The following KNTC1 variants were observed in gnomAD, a reference collection of about 807,000 sequenced individuals.
KNTC1 encodes kinetochore-associated protein 1.
Under a neutral mutation model 314.4 loss-of-function variants are expected in KNTC1, and 253 were observed. The ratio of observed to expected loss-of-function variants is 0.80; its 90% CI spans 0.73 to 0.89. The LOEUF is 0.89. Ranked by LOEUF, KNTC1 falls within the 40% of genes least tolerant of loss-of-function variation. KNTC1 has a pLI of 0.00. For missense variants in KNTC1, 2,475 were observed against 2,572.9 expected, an observed-to-expected ratio of 0.96 and a Z score of 0.82; for synonymous variants, 901 against 901.4, an observed-to-expected ratio of 1.00 and a Z score of 0.01.
At chr12:122,566,476 C>A (rs1964349454) in intron 20 of KNTC1, among the ~76,000 whole-genome samples, 1 of 151,552 alleles carries the variant, frequency 6.6e-6, no homozygotes, top group Admixed American at 6.6e-5. Context: ...GTGGCATGAT[C>A]TCAGCTCACT....
chr12:122,591,305 G>A (rs542938368), intron 41 of KNTC1, 32 bp from the exon 42 acceptor site: 5 of 1,094,678 alleles, frequency 4.6e-6, no homozygotes, highest in Middle Eastern at 2.0e-4. Context: ...TTCTACTTAC[G>A]ATTGAACTTT....
Position 122,624,673 on chromosome 12 carries a change from C to A in KNTC1, c.6591C>A (p.Pro2197=). 6.2e-7 allele frequency: 1 copy of A among 1,612,594 alleles called. No individual in the cohort carries two copies. Among genetic ancestry groups the A allele is most frequent in the Non-Finnish European group, 8.5e-7 (1 of 1,178,652 alleles). ...CGKPVPPDTA[P]CEILKMFLSG... ...AACCTGTGCCTCCAGACACTGCTCC[C>A]TGTGAAATTCTGAAGGTAAAGCTGA... The change falls in exon 63 of 64, where the codon CCC becomes CCA. Residue 2197 remains proline (P), a synonymous_variant. Coordinates refer to ENST00000333479, the MANE Select transcript of KNTC1 (RefSeq NM_014708.6).
At chr12:122,567,566 C>G (rs565144630) in intron 20 of KNTC1, among the ~76,000 whole-genome samples, 7 of 151,878 alleles carry the variant, frequency 4.6e-5, no homozygotes, top group African/African-American at 7.3e-5. Context: ...AGGCTGGGCA[C>G]GGTGGCTCAT....
rs560023303 is a variant in KNTC1 at position 122,547,457 on chromosome 12, T to A, written c.859T>A (p.Trp287Arg). ...GGATATTTACACTCTAACTCCTGTA[T>A]GGAACTGGCCCTCTCTTCACGTAGA... ...LWDIYTLTPV[W>R]NWPSLHVEEF... Residue 287 changes from tryptophan (W) to arginine (R), a missense_variant, in exon 11 of 64, where the codon TGG becomes AGG. Physicochemically the swap from Trp to Arg is moderately radical, Grantham distance 101 (BLOSUM62 -3). Coordinates refer to ENST00000333479, the MANE Select transcript of KNTC1 (RefSeq NM_014708.6). The A allele has an allele frequency of 1.5e-5, 24 of 1,613,154 alleles. No homozygotes were observed. The highest frequency in any genetic ancestry group is 2.0e-5 in the Non-Finnish European group (24 of 1,179,332).
At chr12:122,584,146 A>G (rs1868869713) in intron 34 of KNTC1, 132 bp from the exon 35 acceptor site, 2 of 704,242 alleles carry the variant, frequency 2.8e-6, no homozygotes, top group South Asian at 1.9e-5. Flanking sequence ...GAAAAACTAC[A>G]CTATATACCA....
Position 122,584,399 on chromosome 12 carries a change from C to T in KNTC1, c.3385C>T (p.Pro1129Ser). ...GACAGTGCCTGTGGGACTGAATCTT[C>T]CTTCCATGATACATGATCTAGCAAG... ...PVTVPVGLNL[P>S]SMIHDLASQA... The change falls in exon 35 of 64, where the codon CCT (proline) becomes TCT (serine). Residue 1129 changes from proline to serine, a missense_variant. Coordinates refer to ENST00000333479, the MANE Select transcript of KNTC1 (RefSeq NM_014708.6). The T allele has an allele frequency of 6.2e-7, 1 of 1,613,416 alleles. No individual in the cohort carries two copies. Among genetic ancestry groups the T allele is most frequent in the Non-Finnish European group, 8.5e-7 (1 of 1,179,530 alleles).
At chr12:122,557,268 C>T (rs1210928939) in intron 16 of KNTC1, 116 bp from the exon 17 acceptor site, 11 of 883,024 alleles carry the variant, frequency 1.2e-5, no homozygotes, top group Admixed American at 2.7e-5. Flanking sequence ...ATTCCTGGAG[C>T]GCATGAGGAT....
In KNTC1 at chr12:122,536,870, CT is replaced by C. The variant is rs373132860; in HGVS notation, c.251-1467del. 1.5e-4 allele frequency among the ~76,000 whole-genome samples: 23 copies of C among 152,268 alleles called. 1 individual carries two copies. In the South Asian group the frequency reaches 4.6e-3, roughly 30 times the overall value. On this transcript the variant is annotated intron_variant, in intron 3 of 63. Transcript: ENST00000333479. The stretch of plus-strand genomic sequence containing the variant: ...AGTTGTTGAAACTTTTACATAAGAA[CT>C]TAGACAACTGAAAAGGAAACAGAAC...
chr12:122,548,032 C>T (rs1962920112), intron 12 of KNTC1, 63 bp downstream of exon 12: 1 of 1,008,976 alleles, frequency 9.9e-7, no homozygotes, highest in Non-Finnish European at 1.4e-6. Context: ...TTAGTGAATA[C>T]AAAAGTAGAT....
chr12:122,602,651 A>G lies in KNTC1; in HGVS notation c.4736A>G (p.His1579Arg). ...CTAGAATATCAGTATATGTTGGAAC[A>G]TGTCATAACTTTGCCATCAGCTGCC... ...VDLEYQYMLE[H>R]VITLPSAAQT... Residue 1579 changes from histidine (H) to arginine (R), a missense_variant, in exon 46 of 64, where the codon CAT (histidine) becomes CGT (arginine). Transcript: ENST00000333479. 2 of 1,612,866 alleles carry G rather than the reference A, an allele frequency of 1.2e-6. No homozygotes were observed. The highest frequency in any genetic ancestry group is 1.7e-6 in the Non-Finnish European group (2 of 1,178,864).
chr12:122,554,076 A>AATATATATATATATAT lies in KNTC1; in HGVS notation c.1272+2389_1272+2404dup, dbSNP rs60404988. ...CAGAATACTTCCTTAAAAAAAAAAA[A>AATATATATATATATAT]ATATATATATATATATATATATATT... On this transcript the variant is annotated intron_variant, in intron 16 of 63. Transcript: ENST00000333479. Among the ~76,000 whole-genome samples, 21 of 109,036 alleles carry AATATATATATATATAT rather than the reference A, an allele frequency of 1.9e-4. No homozygotes were observed. The South Asian group carries it at 1.9e-3, about 10-fold the overall frequency. 71.5% of individuals were successfully genotyped at this position (109,036 alleles called of 152,430 possible).
At chr12:122,590,487 GTTTT>G in intron 40 of KNTC1, 116 bp from the exon 41 acceptor site, 3 of 988,828 alleles carry the variant, frequency 3.0e-6, no homozygotes, top group Non-Finnish European at 4.3e-6. Context: ...TCTTTAAAAA[GTTTT>G]TTTTAAGTAT....
In KNTC1 at chr12:122,601,562, T is replaced by A; in HGVS notation, c.4590T>A (p.Ile1530=). 1 of 1,539,516 alleles carries A rather than the reference T, an allele frequency of 6.5e-7. No individual in the cohort carries two copies. ...TGGATCCTTATGACTATGAAATGAT[T>A]GAAGTTGTCTTGAAAGTTATAGAAC... ...HKLDPYDYEM[I]EVVLKVIERA... Residue 1530 remains isoleucine, a synonymous_variant, in exon 45 of 64, where the codon ATT becomes ATA. Coordinates refer to ENST00000333479, the MANE Select transcript of KNTC1 (RefSeq NM_014708.6).
Position 122,594,161 on chromosome 12 carries a change from C to G in KNTC1, c.4246-115C>G, listed in dbSNP as rs964609138. 6.2e-6 allele frequency: 4 copies of G among 647,498 alleles called. No individual in the cohort carries two copies. The African/African-American group carries it at 7.3e-5, about 12-fold the overall frequency. 40.1% of individuals were successfully genotyped at this position (647,498 alleles called of 1,614,324 possible). On this transcript the variant is annotated intron_variant, in intron 42 of 63. Coordinates refer to ENST00000333479, the MANE Select transcript of KNTC1 (RefSeq NM_014708.6). ...AGTGTGAGGTTGGAGGAGCTATAGACAAATGTTTCTTTTTGAAAAAGGATA... is the reference window on the plus strand; with the variant it reads ...AGTGTGAGGTTGGAGGAGCTATAGAGAAATGTTTCTTTTTGAAAAAGGATA...
intron 2 of KNTC1, 100 bp downstream of exon 2, chr12:122,530,292 C>T: frequency 1.0e-6 from 1 of 990,384 alleles, no homozygotes; most frequent in Non-Finnish European, 1.5e-6. Flanking sequence ...GAACATAGCA[C>T]TTCCTCAGGG....
chr12:122,554,583 TTATAG>T (rs1963447548), intron 16 of KNTC1, among the ~76,000 whole-genome samples: 2 of 152,158 alleles, frequency 1.3e-5, no homozygotes, highest in Admixed American at 1.3e-4. Flanking sequence ...TACATTATTA[TTATAG>T]TATTTATAAT....
chr12:122,604,168 CTTTTTT>C (rs1163057379), intron 48 of KNTC1, among the ~76,000 whole-genome samples: 1 of 100,362 alleles, frequency 1.0e-5, no homozygotes, highest in South Asian at 3.2e-4. Flanking sequence ...CCCCGGTGGG[CTTTTTT>C]TTTTTTTTTT....
At chr12:122,538,221 A>C (rs999610140) in intron 3 of KNTC1, 118 bp from the exon 4 acceptor site, 3 of 610,212 alleles carry the variant, frequency 4.9e-6, no homozygotes, top group Admixed American at 5.9e-5. Flanking sequence ...TCTGTTTTGC[A>C]GTATTTAGAA....
At chr12:122,562,900 T>C (rs985931161) in intron 20 of KNTC1, among the ~76,000 whole-genome samples, 1 of 151,498 alleles carries the variant, frequency 6.6e-6, no homozygotes, top group African/African-American at 2.4e-5. Context: ...TCTCAGCTAC[T>C]AGGGAGGCTG....
Sources: gnomAD v4.1 joint callset for allele counts (sites outside exome capture counted in the v4.1 genomes callset) on GRCh38, gnomAD v4.1.1 for gene constraint, MANE v1.5 for transcripts, NCBI Gene and HGNC (gene_info 2026-07-23, HGNC 2026-07-21) for gene names.